Variants in OXCT1 observed in about 807,000 individuals in gnomAD.
OXCT1 encodes succinyl-CoA:3-ketoacid coenzyme A transferase 1, mitochondrial.
In OXCT1, 27 loss-of-function variants were observed where a neutral mutation model predicts 69.6. The observed-to-expected ratio is 0.39, with a 90% CI of 0.29 to 0.54. The LOEUF is 0.54. Ranked by LOEUF, OXCT1 falls within the 20% of genes least tolerant of loss-of-function variation. OXCT1 has a pLI of 0.72. For missense variants in OXCT1, 437 were observed against 650.2 expected (o/e 0.67, Z 3.57); for synonymous variants, 202 against 217.8 (o/e 0.93, Z 0.64).
Position 41,841,128 on chromosome 5 carries a change from G to A in OXCT1, c.672-617C>T, listed in dbSNP as rs532268211. 1.1e-4 allele frequency among the ~76,000 whole-genome samples: 17 copies of A among 152,288 alleles called. 1 individual carries two copies. Among genetic ancestry groups the A allele is most frequent in the South Asian group, 6.2e-4 (3 of 4,816 alleles). On this transcript the variant is annotated intron_variant, in intron 6 of 16. Coordinates refer to ENST00000196371, the MANE Select transcript of OXCT1 (RefSeq NM_000436.4). Reference sequence around the variant, plus strand: ...ATTTCTAGCAGGTGCCAATTTTGCCGATGGTTTTGCACTCTGATGTTCCTC... The same window carrying A: ...ATTTCTAGCAGGTGCCAATTTTGCCAATGGTTTTGCACTCTGATGTTCCTC...
intron 7 of OXCT1, among the ~76,000 whole-genome samples, chr5:41,814,305 A>T (rs1747124251): frequency 2.0e-5 from 3 of 152,162 alleles, no homozygotes; most frequent in Non-Finnish European, 2.9e-5. Flanking sequence ...CATATCATAA[A>T]ATACCTGGCC....
chr5:41,779,186 A>G (rs1030120957), intron 13 of OXCT1, among the ~76,000 whole-genome samples: 1 of 152,188 alleles, frequency 6.6e-6, no homozygotes, highest in Non-Finnish European at 1.5e-5. Context: ...AAAATTCCCC[A>G]TTACATAGTA....
chr5:41,772,725 T>G (rs1268518881), intron 13 of OXCT1, among the ~76,000 whole-genome samples: 3 of 152,352 alleles, frequency 2.0e-5, no homozygotes. Context: ...TTGATAACTC[T>G]GTGTTGGAGT....
intron 11 of OXCT1, 47 bp from the exon 12 acceptor site, chr5:41,794,796 A>G (rs1166986073): frequency 6.3e-7 from 1 of 1,588,612 alleles, no homozygotes; most frequent in Non-Finnish European, 8.6e-7. Context: ...TTAGATTTCT[A>G]AGAGTATCAT....
intron 7 of OXCT1, among the ~76,000 whole-genome samples, chr5:41,823,621 T>C (rs1019395458): frequency 7.2e-5 from 11 of 152,196 alleles, no homozygotes; most frequent in African/African-American, 2.7e-4. Context: ...TAATTGTTGA[T>C]TTTTCAGTTT....
intron 14 of OXCT1, among the ~76,000 whole-genome samples, chr5:41,759,514 T>C (rs1045581195): frequency 6.6e-6 from 1 of 152,098 alleles, no homozygotes; most frequent in African/African-American, 2.4e-5. Flanking sequence ...CAAGTTACAA[T>C]GCCAGTCTGA....
At chr5:41,751,598 C>T (rs1407047759) in intron 14 of OXCT1, among the ~76,000 whole-genome samples, 1 of 152,122 alleles carries the variant, frequency 6.6e-6, no homozygotes, top group Non-Finnish European at 1.5e-5. Context: ...ATAAGTTCTA[C>T]ATGAAATGCA....
chr5:41,774,863 C>T (rs1257848805), intron 13 of OXCT1, among the ~76,000 whole-genome samples: 2 of 151,812 alleles, frequency 1.3e-5, no homozygotes, highest in Non-Finnish European at 2.9e-5. Flanking sequence ...CCACTGCACT[C>T]CAGCCTGGGT....
At chr5:41,811,423 A>C (rs1746981569) in intron 7 of OXCT1, among the ~76,000 whole-genome samples, 1 of 152,046 alleles carries the variant, frequency 6.6e-6, no homozygotes, top group South Asian at 2.1e-4. Context: ...GAAAACATAC[A>C]GGTCTATCAT....
At chr5:41,814,816 G>GA (rs1747155938) in intron 7 of OXCT1, among the ~76,000 whole-genome samples, 1 of 151,582 alleles carries the variant, frequency 6.6e-6, no homozygotes, top group Non-Finnish European at 1.5e-5. Flanking sequence ...CATGTCACAT[G>GA]TATACATATG....
intron 7 of OXCT1, among the ~76,000 whole-genome samples, chr5:41,812,515 T>C (rs183225205): frequency 6.6e-6 from 1 of 151,886 alleles, no homozygotes; most frequent in South Asian, 2.1e-4. Flanking sequence ...CTAGGACAAA[T>C]GGAAGTCAAG....
chr5:41,731,458 T>C lies in OXCT1; in HGVS notation c.*271A>G, dbSNP rs1324360843. The stretch of plus-strand genomic sequence containing the variant: ...ATATAATTTAGCATACATACCATAT[T>C]CAGTGAAAATGCATTCAATATAATT... On this transcript the variant is annotated 3_prime_UTR_variant, in exon 17 of 17. Coordinates refer to ENST00000196371, the MANE Select transcript of OXCT1 (RefSeq NM_000436.4). 1.1e-6 allele frequency: 1 copy of C among 943,672 alleles called. No individual in the cohort carries two copies. The highest frequency in any genetic ancestry group is 3.5e-5 in the Admixed American group (1 of 28,300). The allele number at this position is 943,672 out of a possible 1,614,324, so 58.5% of individuals were successfully genotyped here.
At chr5:41,824,913 C>A (rs1747730161) in intron 7 of OXCT1, among the ~76,000 whole-genome samples, 1 of 152,160 alleles carries the variant, frequency 6.6e-6, no homozygotes, top group African/African-American at 2.4e-5. Flanking sequence ...TCTGTGTCGG[C>A]AAAGCTTTTC....
intron 13 of OXCT1, among the ~76,000 whole-genome samples, chr5:41,790,053 G>A (rs1283295671): frequency 2.0e-5 from 3 of 151,928 alleles, no homozygotes; most frequent in Non-Finnish European, 4.4e-5. Context: ...AGGGAGAAAA[G>A]GAAAAAAATA....
At chr5:41,758,507 G>A (rs961851572) in intron 14 of OXCT1, among the ~76,000 whole-genome samples, 1 of 151,818 alleles carries the variant, frequency 6.6e-6, no homozygotes, top group Admixed American at 6.6e-5. Flanking sequence ...AACCCATAAA[G>A]GAAGGAATGG....
At chr5:41,733,629 A>C (rs1742748365) in intron 16 of OXCT1, among the ~76,000 whole-genome samples, 1 of 152,176 alleles carries the variant, frequency 6.6e-6, no homozygotes, top group South Asian at 2.1e-4. Context: ...TGGACACATT[A>C]ATTTTTTTAA....
intron 7 of OXCT1, among the ~76,000 whole-genome samples, chr5:41,831,930 T>C (rs1748116991): frequency 6.6e-6 from 1 of 152,194 alleles, no homozygotes; most frequent in African/African-American, 2.4e-5. Flanking sequence ...ATGGCAGACA[T>C]ACCCATGATC....
chr5:41,808,757 C>A (rs1176540836), intron 7 of OXCT1, among the ~76,000 whole-genome samples: 2 of 151,996 alleles, frequency 1.3e-5, no homozygotes, highest in African/African-American at 2.4e-5. Flanking sequence ...ATTTTCTATT[C>A]GAGGTGGAGG....
intron 7 of OXCT1, among the ~76,000 whole-genome samples, chr5:41,837,456 C>T (rs1035207107): frequency 6.6e-6 from 1 of 151,488 alleles, no homozygotes. Context: ...AGAGGCTAGA[C>T]AATCGAATGA....
Sources: gnomAD v4.1 joint callset for allele counts (sites outside exome capture counted in the v4.1 genomes callset) on GRCh38, gnomAD v4.1.1 for gene constraint, MANE v1.5 for transcripts, NCBI Gene and HGNC (gene_info 2026-07-23, HGNC 2026-07-21) for gene names.